The following UNC93A variants were observed in gnomAD, a reference collection of about 807,000 sequenced individuals.
The protein encoded by UNC93A is N-acetylglucosamine transporter UNC93A.
Under a neutral mutation model 47.5 loss-of-function variants are expected in UNC93A, and 43 were observed. The observed-to-expected ratio is 0.91, with a 90% CI of 0.71 to 1.17. The LOEUF (loss-of-function observed/expected upper bound fraction) is 1.17. Among genes scored for constraint, UNC93A ranks in the 50% most tolerant of loss-of-function variants. UNC93A has a pLI of 0.00. For missense variants in UNC93A, 605 were observed against 577.6 expected (o/e 1.05, Z -0.49); for synonymous variants, 280 against 258.0 (o/e 1.09, Z -0.82).
intron 1 of UNC93A, among the ~76,000 whole-genome samples, chr6:167,272,058 A>C (rs931653098): frequency 2.0e-5 from 3 of 152,112 alleles, no homozygotes; most frequent in African/African-American, 7.2e-5. Context: ...ACCTTCACTA[A>C]ATTATGTCCT....
intron 4 of UNC93A, among the ~76,000 whole-genome samples, chr6:167,302,293 A>G (rs1255807220): frequency 1.3e-5 from 2 of 152,144 alleles, no homozygotes; most frequent in Non-Finnish European, 2.9e-5. Flanking sequence ...ACTGATGCTG[A>G]GAGAGAAAGC....
chr6:167,299,426 C>T (rs1330885927), intron 4 of UNC93A, among the ~76,000 whole-genome samples: 2 of 152,160 alleles, frequency 1.3e-5, no homozygotes, highest in Admixed American at 1.3e-4. Context: ...CCTCAGGCCA[C>T]TTCCACATCA....
intron 7 of UNC93A, 80 bp downstream of exon 7, chr6:167,307,990 T>C: frequency 6.4e-7 from 1 of 1,567,564 alleles, no homozygotes; most frequent in South Asian, 1.2e-5. Flanking sequence ...GCTCATTAGA[T>C]GCCAATGGGC....
chr6:167,303,884 C>G, intron 4 of UNC93A, 35 bp from the exon 5 acceptor site: 1 of 1,609,424 alleles, frequency 6.2e-7, no homozygotes. Context: ...CTCTGGGCCC[C>G]CATGAAAGCT....
upstream of UNC93A, among the ~76,000 whole-genome samples, chr6:167,287,803 C>T (rs1783767026): frequency 6.6e-6 from 1 of 152,082 alleles, no homozygotes; most frequent in African/African-American, 2.4e-5. Context: ...CTACACGATC[C>T]CCCTGACTAT....
At chr6:167,301,885 C>T (rs1778249882) in intron 4 of UNC93A, among the ~76,000 whole-genome samples, 1 of 152,182 alleles carries the variant, frequency 6.6e-6, no homozygotes, top group South Asian at 2.1e-4. Flanking sequence ...TACCCTATGG[C>T]CTCCTGTGCA....
chr6:167,289,817 A>T (rs1783810496), upstream of UNC93A, among the ~76,000 whole-genome samples: 1 of 151,950 alleles, frequency 6.6e-6, no homozygotes, highest in Admixed American at 6.5e-5. Context: ...TTGCCAAAAA[A>T]TAAAAATAAG....
At chr6:167,290,795 A>G (rs574023070), upstream of UNC93A, among the ~76,000 whole-genome samples, 6 of 152,314 alleles carry the variant, frequency 3.9e-5, no homozygotes, top group African/African-American at 1.2e-4. Flanking sequence ...TGGGTCTAAG[A>G]TTTCTAATGA....
At chr6:167,283,963 C>A (rs1477645270) in intron 1 of UNC93A, among the ~76,000 whole-genome samples, 2 of 152,190 alleles carry the variant, frequency 1.3e-5, no homozygotes, top group African/African-American at 4.8e-5. Context: ...CACATTAAAT[C>A]CCATCTGGGA....
chr6:167,270,344 T>C (rs1460308086), upstream of UNC93A, among the ~76,000 whole-genome samples: 1 of 152,132 alleles, frequency 6.6e-6, no homozygotes, highest in African/African-American at 2.4e-5. Context: ...ATGCCATCTC[T>C]TAACAAACTG....
At chr6:167,289,403 A>T (rs1008562418), upstream of UNC93A, among the ~76,000 whole-genome samples, 32 of 150,960 alleles carry the variant, frequency 2.1e-4, no homozygotes, top group African/African-American at 6.1e-4. Context: ...CTGTTCATTT[A>T]AAAAAAATCC....
chr6:167,277,188 T>C (rs543576939), intron 1 of UNC93A, among the ~76,000 whole-genome samples: 3 of 152,246 alleles, frequency 2.0e-5, no homozygotes, highest in Admixed American at 2.0e-4. Flanking sequence ...TGACATGGAG[T>C]CTGGCCAAGG....
At chr6:167,288,817 G>A (rs559775834), upstream of UNC93A, among the ~76,000 whole-genome samples, 1 of 152,200 alleles carries the variant, frequency 6.6e-6, no homozygotes, top group Non-Finnish European at 1.5e-5. Context: ...GGTGAACTCA[G>A]CCGTAGCAAA....
chr6:167,288,182 A>G (rs986932137), upstream of UNC93A, among the ~76,000 whole-genome samples: 15 of 152,188 alleles, frequency 9.9e-5, no homozygotes, highest in African/African-American at 3.6e-4. Context: ...CCTCTCTGAT[A>G]AGTAATGGAA....
chr6:167,291,265 T>C (rs1783834281), upstream of UNC93A: 1 of 396,744 alleles, frequency 2.5e-6, no homozygotes, highest in Non-Finnish European at 4.5e-6. Flanking sequence ...AGAAGGTAAA[T>C]GAGTAACAGA....
At chr6:167,302,652 G>A (rs1778275197) in intron 4 of UNC93A, among the ~76,000 whole-genome samples, 1 of 152,170 alleles carries the variant, frequency 6.6e-6, no homozygotes, top group African/African-American at 2.4e-5. Context: ...GTGGGCAGAT[G>A]GAGATTTAGT....
intron 6 of UNC93A, among the ~76,000 whole-genome samples, chr6:167,306,555 C>A (rs1883177): frequency 6.6e-6 from 1 of 152,030 alleles, no homozygotes; most frequent in Admixed American, 6.5e-5. Flanking sequence ...TCAGAGATCA[C>A]GTGAACAATG....
chr6:167,288,455 CACACACA>C (rs1783781143), upstream of UNC93A, among the ~76,000 whole-genome samples: 1 of 20,894 alleles, frequency 4.8e-5, no homozygotes, highest in Non-Finnish European at 1.2e-4. Context: ...TCCTTACACA[CACACACA>C]CACACACACA....
rs147814123 is a variant in UNC93A at position 167,284,343 on chromosome 6, C to T, written c.-51-7096C>T. Among the ~76,000 whole-genome samples, 114 of 152,078 alleles carry T rather than the reference C, an allele frequency of 7.5e-4. 1 individual carries two copies. Among genetic ancestry groups the T allele is most frequent in the African/African-American group, 2.6e-3 (106 of 41,276 alleles). On this transcript the variant is annotated intron_variant, in intron 1 of 3. Transcript: ENST00000503433. ...AGAGACTGGCCCAGTGCATGACATG[C>T]AGTTGGTGTTAACTAATAGCTGATG...
Sources: allele counts gnomAD v4.1 joint callset (sites outside exome capture counted in the v4.1 genomes callset), GRCh38; gene constraint gnomAD v4.1.1; transcripts MANE v1.5; gene names NCBI Gene and HGNC (gene_info 2026-07-23, HGNC 2026-07-21).